The following RIMS2 variants were observed in gnomAD, a reference collection of about 807,000 sequenced individuals.
RIMS2 encodes regulating synaptic membrane exocytosis protein 2.
RIMS2 carries 59 observed loss-of-function variants against 174.4 expected under a neutral mutation model. That is an observed-to-expected ratio of 0.34 (90% CI 0.27 to 0.42). RIMS2 has a LOEUF of 0.42. RIMS2 is among the 10% of genes least tolerant of loss of function. The probability of loss-of-function intolerance (pLI) is 1.00; values close to 1 mark genes in which losing one functional copy is unlikely to be tolerated. For missense variants in RIMS2, 1,620 were observed against 1,666.3 expected, an observed-to-expected ratio of 0.97 and a Z score of 0.48; for synonymous variants, 606 against 572.5, an observed-to-expected ratio of 1.06 and a Z score of -0.84.
At chr8:104,236,497 T>C (rs966813563) in intron 19 of RIMS2, among the ~76,000 whole-genome samples, 3 of 152,104 alleles carry the variant, frequency 2.0e-5, no homozygotes, top group Non-Finnish European at 4.4e-5. Flanking sequence ...AAGTCTATGC[T>C]TTTACATTAT....
At chr8:104,246,013 A>C (rs2099328722) in intron 20 of RIMS2, among the ~76,000 whole-genome samples, 1 of 152,256 alleles carries the variant, frequency 6.6e-6, no homozygotes, top group South Asian at 2.1e-4. Context: ...AAGTCTAAAA[A>C]GAGAGGGAAA....
chr8:103,749,850 A>G (rs1333478005), intron 2 of RIMS2, among the ~76,000 whole-genome samples: 1 of 152,178 alleles, frequency 6.6e-6, no homozygotes, highest in African/African-American at 2.4e-5. Context: ...TCAAAAAACT[A>G]GGAAGTGGTT....
At chr8:103,929,464 T>A (rs1022628069) in intron 11 of RIMS2, among the ~76,000 whole-genome samples, 2 of 151,848 alleles carry the variant, frequency 1.3e-5, no homozygotes, top group African/African-American at 4.8e-5. Flanking sequence ...TCATAATAAT[T>A]ATTATTTGTT....
At chr8:104,214,776 T>A (rs943742986) in intron 19 of RIMS2, among the ~76,000 whole-genome samples, 1 of 152,246 alleles carries the variant, frequency 6.6e-6, no homozygotes, top group East Asian at 1.9e-4. Context: ...TAAGTGGGAA[T>A]CAGCTGATGA....
At chr8:104,077,303 A>G (rs1202333133) in intron 19 of RIMS2, among the ~76,000 whole-genome samples, 1 of 152,046 alleles carries the variant, frequency 6.6e-6, no homozygotes, top group African/African-American at 2.4e-5. Flanking sequence ...CCAACAGATA[A>G]CTTCCACTTA....
At chr8:104,117,377 T>C (rs1219856302) in intron 19 of RIMS2, among the ~76,000 whole-genome samples, 1 of 152,140 alleles carries the variant, frequency 6.6e-6, no homozygotes, top group Non-Finnish European at 1.5e-5. Context: ...TATATACCTT[T>C]GAAATAAATT....
intron 2 of RIMS2, among the ~76,000 whole-genome samples, chr8:103,722,877 C>T (rs965309242): frequency 1.3e-5 from 2 of 152,280 alleles, no homozygotes; most frequent in East Asian, 1.9e-4. Context: ...TTTCTTATCT[C>T]TGGCAGAATG....
At chr8:103,932,097 GA>G (rs2080085548) in intron 12 of RIMS2, among the ~76,000 whole-genome samples, 1 of 151,956 alleles carries the variant, frequency 6.6e-6, no homozygotes, top group African/African-American at 2.4e-5. Flanking sequence ...TAGGCATCAT[GA>G]AAAAAGAAAG....
chr8:104,177,814 G>A (rs76379322), intron 19 of RIMS2, among the ~76,000 whole-genome samples: 24 of 152,056 alleles, frequency 1.6e-4, no homozygotes, highest in South Asian at 2.1e-4. Context: ...TGCTGGCCTC[G>A]GTGTCTATCA....
chr8:103,822,346 C>T (rs1314827935), intron 3 of RIMS2, among the ~76,000 whole-genome samples: 2 of 151,686 alleles, frequency 1.3e-5, no homozygotes, highest in African/African-American at 2.4e-5. Context: ...TGAAAATCTT[C>T]CATAACAACT....
At chr8:103,613,282 C>G (rs1030654190) in intron 1 of RIMS2, among the ~76,000 whole-genome samples, 1 of 152,218 alleles carries the variant, frequency 6.6e-6, no homozygotes, top group Non-Finnish European at 1.5e-5. Flanking sequence ...ACTCTCCCAT[C>G]TCCCTTCAAT....
chr8:103,770,441 T>C (rs762684745), intron 3 of RIMS2, among the ~76,000 whole-genome samples: 1 of 152,182 alleles, frequency 6.6e-6, no homozygotes. Context: ...CTGGGTGTGA[T>C]GGTGCATGCC....
chr8:103,995,266 T>C (rs1204885291), intron 17 of RIMS2, among the ~76,000 whole-genome samples: 1 of 152,042 alleles, frequency 6.6e-6, no homozygotes, highest in African/African-American at 2.4e-5. Context: ...GCACAAAGAT[T>C]TAAAACAGAC....
chr8:104,254,711 A>C (rs937204700), downstream of RIMS2: 1 of 152,162 alleles, frequency 6.6e-6, no homozygotes, highest in Non-Finnish European at 1.5e-5. Context: ...AGATTTTTTG[A>C]GTGAAATTTT....
intron 19 of RIMS2, among the ~76,000 whole-genome samples, chr8:104,230,354 TAA>T (rs1292289980): frequency 7.3e-5 from 11 of 151,032 alleles, no homozygotes; most frequent in African/African-American, 2.7e-4. Context: ...AACTTAAAAA[TAA>T]AACTATCAGC....
intron 4 of RIMS2, among the ~76,000 whole-genome samples, chr8:103,895,449 G>A (rs954968115): frequency 9.9e-5 from 15 of 151,322 alleles, no homozygotes; most frequent in Non-Finnish European, 1.5e-4. Context: ...ACATGATGTG[G>A]GAGAGATAAT....
At chr8:103,515,628 T>C (rs1238154855) in intron 1 of RIMS2, among the ~76,000 whole-genome samples, 1 of 152,146 alleles carries the variant, frequency 6.6e-6, no homozygotes, top group Non-Finnish European at 1.5e-5. Context: ...TAACATTTAA[T>C]GTGGAATTCA....
intron 19 of RIMS2, among the ~76,000 whole-genome samples, chr8:104,078,992 G>A (rs560635701): frequency 6.6e-6 from 1 of 151,940 alleles, no homozygotes; most frequent in Non-Finnish European, 1.5e-5. Flanking sequence ...AGATGTATTT[G>A]TGAATTGCTA....
chr8:104,063,457 T>C (rs1275816382), intron 19 of RIMS2, among the ~76,000 whole-genome samples: 3 of 152,166 alleles, frequency 2.0e-5, no homozygotes, highest in Non-Finnish European at 4.4e-5. Flanking sequence ...TTTAGCTCAA[T>C]TAAAGGAAAG....
Sources: gnomAD v4.1 joint callset for allele counts (sites outside exome capture counted in the v4.1 genomes callset) on GRCh38, gnomAD v4.1.1 for gene constraint, MANE v1.5 for transcripts, NCBI Gene and HGNC (gene_info 2026-07-23, HGNC 2026-07-21) for gene names.